Variants in ALS2CL observed in about 807,000 individuals in gnomAD.
ALS2CL encodes the protein ALS2 C-terminal-like protein.
Under a neutral mutation model 127.9 loss-of-function variants are expected in ALS2CL, and 112 were observed. The observed-to-expected ratio is 0.88, with a 90% CI of 0.75 to 1.02. The LOEUF (loss-of-function observed/expected upper bound fraction) is 1.02. Ranked by LOEUF, ALS2CL falls within the 50% of genes least tolerant of loss-of-function variation. The pLI is 0.00. For synonymous variants in ALS2CL, 519 were observed against 527.6 expected (o/e 0.98, Z 0.22); for missense variants, 1,174 against 1,236.7 (o/e 0.95, Z 0.76).
In ALS2CL at chr3:46,678,186, G is replaced by A. The variant is rs1217315969; in HGVS notation, c.1757+73C>T. On this transcript the variant is annotated intron_variant, in intron 16 of 25. Coordinates refer to ENST00000318962, the MANE Select transcript of ALS2CL (RefSeq NM_147129.5). Reference sequence around the variant, plus strand: ...GGGTGCAAAAAGGCCCCTCTGAGGAGACCTGAGTCTTTGGGATGGAAACAC... The same window carrying A: ...GGGTGCAAAAAGGCCCCTCTGAGGAAACCTGAGTCTTTGGGATGGAAACAC... The A allele has an allele frequency of 9.0e-6, 13 of 1,448,450 alleles. No homozygotes were observed. The African/African-American group carries it at 1.5e-4, about 17-fold the overall frequency. The allele number at this position is 1,448,450 out of a possible 1,614,324, so 89.7% of individuals were successfully genotyped here. A position where few individuals can be genotyped will look rare whatever the true frequency, so the allele number is the denominator to read the frequency against.
At position 46,673,264 on chromosome 3, in the gene ALS2CL, C is replaced by T; in HGVS notation, c.2472+75G>A. On this transcript the variant is annotated intron_variant, in intron 22 of 25. Coordinates refer to ENST00000318962, the MANE Select transcript of ALS2CL (RefSeq NM_147129.5). ...TCCTCTGCAGCCTCCGCCCAGCAAT[C>T]ATGAGGCAAAGGGCTCCTCAAAGCC... 3 of 1,114,382 alleles carry T rather than the reference C, an allele frequency of 2.7e-6. No individual in the cohort carries two copies. The East Asian group carries it at 1.2e-4, about 43-fold the overall frequency. 69.0% of individuals were successfully genotyped at this position (1,114,382 alleles called of 1,614,324 possible).
chr3:46,681,041 T>G lies in ALS2CL; in HGVS notation c.1436+205A>C. 1.3e-6 allele frequency: 1 copy of G among 765,774 alleles called. No individual in the cohort carries two copies. Among genetic ancestry groups the G allele is most frequent in the Non-Finnish European group, 2.2e-6 (1 of 456,256 alleles). The allele number at this position is 765,774 out of a possible 1,614,324, so 47.4% of individuals were successfully genotyped here. ...GCCTCTCCAACACCATGAGGAGGGG[T>G]GAGGGGCGGGGGCGACCCTGCAGTC... On this transcript the variant is annotated intron_variant, in intron 13 of 25. Coordinates refer to ENST00000318962, the MANE Select transcript of ALS2CL (RefSeq NM_147129.5). This position sits in a 1 kb window ranked among gnomAD's most constrained non-coding sequence, Gnocchi z 4.9.
Position 46,686,865 on chromosome 3 carries a change from C to T in ALS2CL, c.534+118G>A, listed in dbSNP as rs771326201. 1,088 of 1,237,722 alleles carry T rather than the reference C, an allele frequency of 8.8e-4. No individual in the cohort carries two copies. The highest frequency in any genetic ancestry group is 1.1e-3 in the Admixed American group (34 of 31,134). The allele number at this position is 1,237,722 out of a possible 1,614,324, so 76.7% of individuals were successfully genotyped here. A position where few individuals can be genotyped will look rare whatever the true frequency, so the allele number is the denominator to read the frequency against. On this transcript the variant is annotated intron_variant, in intron 5 of 25. Coordinates refer to ENST00000318962, the MANE Select transcript of ALS2CL (RefSeq NM_147129.5). The surrounding 1 kb of genome is among the most constrained non-coding windows in gnomAD (Gnocchi z 4.3). ...ACTTCCTCAACCCTCTCCCACCTGC[C>T]GGCATGGCTGAGTCCTTCTTGTACT...
At chr3:46,677,084 C>T (rs1698911118) in intron 16 of ALS2CL, 62 bp from the exon 17 acceptor site, 9 of 1,538,760 alleles carry the variant, frequency 5.8e-6, no homozygotes, top group Non-Finnish European at 7.8e-6. Context: ...GTAGGCAGGA[C>T]TCTGCCCAGG....
chr3:46,676,588 C>T (rs1265604144), intron 18 of ALS2CL, 54 bp downstream of exon 18: 12 of 1,590,786 alleles, frequency 7.5e-6, no homozygotes, highest in South Asian at 3.4e-5. Context: ...GAGCCCTTCC[C>T]CACCAGGGAC....
At position 46,681,355 on chromosome 3, in the gene ALS2CL, C is replaced by T. The variant is rs1699324493; in HGVS notation, c.1327G>A (p.Gly443Arg). The change falls in exon 13 of 26, where the codon GGA becomes AGA. Residue 443 changes from glycine (G) to arginine (R), a missense_variant. Physicochemically the swap from Gly to Arg is moderately radical, Grantham distance 125 (BLOSUM62 -2). Coordinates refer to ENST00000318962, the MANE Select transcript of ALS2CL (RefSeq NM_147129.5). This position sits in a 1 kb window ranked among gnomAD's most constrained non-coding sequence, Gnocchi z 4.9. ...KGYFQEGLRHGFGVLESGPQA... is the reference protein window; with the variant it reads ...KGYFQEGLRHRFGVLESGPQA... ...GGACCACTCTCAAGGACCCCAAATC[C>T]GTGCCGCAGGCCCTCCTGGAAGTAG... is the stretch of plus-strand genomic sequence containing the variant. 4 of 1,610,316 alleles carry T rather than the reference C, an allele frequency of 2.5e-6. No homozygotes were observed. Among genetic ancestry groups the T allele is most frequent in the African/African-American group, 1.3e-5 (1 of 74,916 alleles).
rs544773121 is a variant in ALS2CL, at chr3:46,687,208, C to T, written c.369-60G>A. 416 of 1,445,552 alleles carry T rather than the reference C, an allele frequency of 2.9e-4. 5 individuals are homozygous for T. The East Asian group carries it at 6.2e-3, about 21-fold the overall frequency. The allele number at this position is 1,445,552 out of a possible 1,614,324, so 89.5% of individuals were successfully genotyped here. On this transcript the variant is annotated intron_variant, in intron 4 of 25. Transcript: ENST00000318962. ...CCTTCCTCCATTCCTGCACCCACAC[C>T]GCCACCTCCCTGCCCCAGCTAATCC...
intron 7 of ALS2CL, 25 bp from the exon 8 acceptor site, chr3:46,684,072 C>A (rs1438298395): frequency 6.4e-7 from 1 of 1,551,262 alleles, no homozygotes; most frequent in South Asian, 1.2e-5. Context: ...ACACAGGAGT[C>A]ATCCAGAGCC....
intron 21 of ALS2CL, among the ~76,000 whole-genome samples, chr3:46,673,673 G>T (rs1698587688): frequency 6.6e-6 from 1 of 152,216 alleles, no homozygotes; most frequent in Non-Finnish European, 1.5e-5. Flanking sequence ...TGCTGAGCCA[G>T]CACAGGGCTG....
intron 22 of ALS2CL, among the ~76,000 whole-genome samples, chr3:46,673,129 G>C (rs952811444): frequency 1.3e-5 from 2 of 152,190 alleles, no homozygotes; most frequent in African/African-American, 2.4e-5. Context: ...ACACAGCCAG[G>C]TAAGAACCTG....
At position 46,687,129 on chromosome 3, in the gene ALS2CL, G is replaced by T; in HGVS notation, c.388C>A (p.Arg130=). ...KRRSEYWRGQ[R]KALRQLLSGV... Reference sequence around the variant, plus strand: ...GAAAGCAGCTGCCGCAGCGCCTTCCGCTGGCCCCGCCAGTACTCGCTGCGT... The same window carrying T: ...GAAAGCAGCTGCCGCAGCGCCTTCCTCTGGCCCCGCCAGTACTCGCTGCGT... The change falls in exon 5 of 26, where the codon CGG becomes AGG. Residue 130 remains arginine (R), a synonymous_variant. Coordinates refer to ENST00000318962, the MANE Select transcript of ALS2CL (RefSeq NM_147129.5). The T allele has an allele frequency of 6.6e-7, 1 of 1,521,246 alleles. No individual in the cohort carries two copies. The highest frequency in any genetic ancestry group is 1.3e-5 in the South Asian group (1 of 79,612). 94.2% of individuals were successfully genotyped at this position (1,521,246 alleles called of 1,614,324 possible). A position where few individuals can be genotyped will look rare whatever the true frequency, so the allele number is the denominator to read the frequency against.
chr3:46,680,188 A>G lies in ALS2CL; in HGVS notation c.1548+242T>C, dbSNP rs999692023. The G allele has an allele frequency of 1.1e-5, 6 of 534,338 alleles. No individual in the cohort carries two copies. In the Admixed American group the frequency reaches 1.6e-4, roughly 14 times the overall value. The allele number at this position is 534,338 out of a possible 1,614,324, so 33.1% of individuals were successfully genotyped here. On this transcript the variant is annotated intron_variant, in intron 14 of 25. Coordinates refer to ENST00000318962, the MANE Select transcript of ALS2CL (RefSeq NM_147129.5). ...CCATTCTTGTTAGTTCATTGAGTCT[A>G]TGGTAAGTATTCTTAACCTGAGTTG...
At position 46,672,017 on chromosome 3, in the gene ALS2CL, G is replaced by A. The variant is rs201171398; in HGVS notation, c.2551C>T (p.Arg851Trp). ...CTCTCCAGCACCTCCAGCTTCTCCC[G>A]TGGGTCCACCGTGGTCCTGCAGCAG... is the stretch of plus-strand genomic sequence containing the variant. ...LQKIMTTVDP[R>W]EKLEVLERTY... The change falls in exon 24 of 26, where the codon CGG becomes TGG. Residue 851 changes from arginine (R) to tryptophan (W), a missense_variant. Physicochemically the swap from Arg to Trp is moderately radical, Grantham distance 101. Coordinates refer to ENST00000318962, the MANE Select transcript of ALS2CL (RefSeq NM_147129.5). 4.1e-5 allele frequency: 66 copies of A among 1,614,008 alleles called. No homozygotes were observed. Among genetic ancestry groups the A allele is most frequent in the Admixed American group, 1.8e-4 (11 of 60,014 alleles).
chr3:46,675,454 A>G (rs1171796534), intron 20 of ALS2CL, 164 bp downstream of exon 20: 1 of 667,640 alleles, frequency 1.5e-6, no homozygotes, highest in Non-Finnish European at 2.6e-6. Context: ...AACAGAGGTC[A>G]TGGGTCATTC....
At position 46,685,568 on chromosome 3, in the gene ALS2CL, G is replaced by A; in HGVS notation, c.743C>T (p.Ala248Val). 1 of 1,614,070 alleles carries A rather than the reference G, an allele frequency of 6.2e-7. No individual in the cohort carries two copies. The highest frequency in any genetic ancestry group is 8.5e-7 in the Non-Finnish European group (1 of 1,179,988). Reference sequence around the variant, plus strand: ...ATCATCAAAGAGCAGCACACGCTCAGCCCGCAACGGTGCGACCGTCACGGG... The same window carrying A: ...ATCATCAAAGAGCAGCACACGCTCAACCCGCAACGGTGCGACCGTCACGGG... ...DVPVTVAPLR[A>V]ERVLLFDDAL... Residue 248 changes from alanine (A) to valine (V), a missense_variant, in exon 7 of 26, where the codon GCT becomes GTT. Transcript: ENST00000318962.
chr3:46,686,586 G>C lies in ALS2CL; in HGVS notation c.535-147C>G, dbSNP rs1260617825. 2 of 1,200,148 alleles carry C rather than the reference G, an allele frequency of 1.7e-6. No individual in the cohort carries two copies. The highest frequency in any genetic ancestry group is 3.2e-5 in the South Asian group (2 of 61,688). The allele number at this position is 1,200,148 out of a possible 1,614,324, so 74.3% of individuals were successfully genotyped here. A position where few individuals can be genotyped will look rare whatever the true frequency, so the allele number is the denominator to read the frequency against. On this transcript the variant is annotated intron_variant, in intron 5 of 25. Transcript: ENST00000318962. This position sits in a 1 kb window ranked among gnomAD's most constrained non-coding sequence, Gnocchi z 4.3. ...AGCTCCTCTTCTGCTGGTGGGGCAGGGGGTGGAATATGAAGGTGCTTCCCC... is the reference window on the plus strand; with the variant it reads ...AGCTCCTCTTCTGCTGGTGGGGCAGCGGGTGGAATATGAAGGTGCTTCCCC...
At chr3:46,672,742 C>T (rs1698502554) in intron 22 of ALS2CL, among the ~76,000 whole-genome samples, 1 of 152,204 alleles carries the variant, frequency 6.6e-6, no homozygotes, top group African/African-American at 2.4e-5. Flanking sequence ...CGCCTGTAAT[C>T]CCACCACTTT....
chr3:46,685,297 A>T (rs937930203), intron 7 of ALS2CL, among the ~76,000 whole-genome samples: 4 of 152,210 alleles, frequency 2.6e-5, no homozygotes, highest in African/African-American at 7.2e-5. Context: ...ACCAGCTGGG[A>T]AGGGCTGAAG....
At position 46,676,651 on chromosome 3, in the gene ALS2CL, G is replaced by A; in HGVS notation, c.2019C>T (p.Tyr673=). The A allele has an allele frequency of 6.2e-7, 1 of 1,613,456 alleles. No homozygotes were observed. The change falls in exon 18 of 26, where the codon TAC becomes TAT. Residue 673 remains tyrosine, a synonymous_variant. Coordinates refer to ENST00000318962, the MANE Select transcript of ALS2CL (RefSeq NM_147129.5). The part of the protein sequence containing the change: ...QHREPKALQL[Y]LRKALSNSLH... Reference sequence around the variant, plus strand: ...CCAGCAGGGCTCTCACCTTCCTGAGGTACAGCTGCAGGGCCTTGGGCTCCC... The same window carrying A: ...CCAGCAGGGCTCTCACCTTCCTGAGATACAGCTGCAGGGCCTTGGGCTCCC...
Sources: allele counts gnomAD v4.1 joint callset (sites outside exome capture counted in the v4.1 genomes callset), GRCh38; gene constraint gnomAD v4.1.1; non-coding constraint Gnocchi (gnomAD v3.1); transcripts MANE v1.5; gene names NCBI Gene and HGNC (gene_info 2026-07-23, HGNC 2026-07-21).